TCF4: variants seen among roughly 807,000 people sequenced by gnomAD.
TCF4 encodes transcription factor 4.
TCF4 carries 3 observed loss-of-function variants against 82.1 expected under a neutral mutation model. The observed-to-expected ratio is 0.04, with a 90% CI of 0.02 to 0.09. The LOEUF is 0.09. Ranked by LOEUF, TCF4 falls within the 10% of genes least tolerant of loss-of-function variation. The pLI is 1.00. For missense variants in TCF4, 518 were observed against 852.7 expected (o/e 0.61, Z 4.89); for synonymous variants, 276 against 309.6 (o/e 0.89, Z 1.14).
At chr18:55,435,668 C>T (rs868864536) in intron 5 of TCF4, among the ~76,000 whole-genome samples, 3 of 152,206 alleles carry the variant, frequency 2.0e-5, no homozygotes, top group Non-Finnish European at 4.4e-5. Context: ...AATGCACAGT[C>T]CTCTCTCTAC....
At chr18:55,286,290 A>T (rs2063665508) in intron 8 of TCF4, among the ~76,000 whole-genome samples, 1 of 149,832 alleles carries the variant, frequency 6.7e-6, no homozygotes, top group Admixed American at 6.6e-5. Context: ...ACTATTTGTC[A>T]AAATCTTTTT....
intron 6 of TCF4, among the ~76,000 whole-genome samples, chr18:55,364,905 A>G (rs2086441634): frequency 6.6e-6 from 1 of 151,898 alleles, no homozygotes; most frequent in Non-Finnish European, 1.5e-5. Flanking sequence ...TCATGCCTCT[A>G]ATCCCAGCAC....
In TCF4 at chr18:55,464,250, C is replaced by G. The variant is rs541123969; in HGVS notation, c.146-113G>C. On this transcript the variant is annotated intron_variant, in intron 3 of 19. Transcript: ENST00000354452. ...TCTCCTGTTGCCTTTAATTAAGAACCAGGCACCGGGCTACCATGATGATAG... is the reference window on the plus strand; with the variant it reads ...TCTCCTGTTGCCTTTAATTAAGAACGAGGCACCGGGCTACCATGATGATAG... The G allele has an allele frequency of 6.5e-6, 6 of 922,738 alleles. No homozygotes were observed. In the East Asian group the frequency reaches 1.2e-4, roughly 19 times the overall value. The allele number at this position is 922,738 out of a possible 1,614,324, so 57.2% of individuals were successfully genotyped here. A position where few individuals can be genotyped will look rare whatever the true frequency, so the allele number is the denominator to read the frequency against.
intron 6 of TCF4, among the ~76,000 whole-genome samples, chr18:55,358,273 G>GT (rs2084104984): frequency 6.6e-6 from 1 of 152,218 alleles, no homozygotes; most frequent in African/African-American, 2.4e-5. Context: ...CTGTGCTTCT[G>GT]TTTTTTAGCA....
chr18:55,317,535 G>A (rs1380582983), intron 8 of TCF4, among the ~76,000 whole-genome samples: 2 of 151,780 alleles, frequency 1.3e-5, no homozygotes, highest in East Asian at 3.8e-4. Context: ...GAGGTTTGGG[G>A]GGAAAAAAAA....
chr18:55,470,717 T>C (rs2096157339), intron 3 of TCF4, among the ~76,000 whole-genome samples: 1 of 152,208 alleles, frequency 6.6e-6, no homozygotes, highest in African/African-American at 2.4e-5. Flanking sequence ...CCCTAGAGTT[T>C]TATGAAATTA....
intron 5 of TCF4, among the ~76,000 whole-genome samples, chr18:55,457,892 T>G: frequency 6.6e-6 from 1 of 152,302 alleles, no homozygotes; most frequent in South Asian, 2.1e-4. Flanking sequence ...CCATAGAGGT[T>G]ATAAACAAAT....
chr18:55,497,539 T>C (rs1373706305), intron 3 of TCF4, among the ~76,000 whole-genome samples: 2 of 152,224 alleles, frequency 1.3e-5, no homozygotes, highest in Admixed American at 6.5e-5. Flanking sequence ...AAATTACAAA[T>C]GATTAGTTCA....
At chr18:55,524,523 G>C (rs1343505214) in intron 3 of TCF4, among the ~76,000 whole-genome samples, 1 of 152,116 alleles carries the variant, frequency 6.6e-6, no homozygotes, top group East Asian at 1.9e-4. Flanking sequence ...TCATGGTCAA[G>C]AAGACCATGA....
rs981434496 is a variant in TCF4, at chr18:55,222,735, T to G, written c.*5300A>C. 6.6e-6 allele frequency: 1 copy of G among 152,664 alleles called. No individual in the cohort carries two copies. Among genetic ancestry groups the G allele is most frequent in the African/African-American group, 2.4e-5 (1 of 41,454 alleles). 9.5% of individuals were successfully genotyped at this position (152,664 alleles called of 1,614,324 possible). On this transcript the variant is annotated 3_prime_UTR_variant, in exon 20 of 20. Transcript: ENST00000354452. ...GTGCAATGTTGAAATAGCCTCCAAA[T>G]TTTGCAAAGTAGATTGATGTCCATT... is the stretch of plus-strand genomic sequence containing the variant.
intron 8 of TCF4, among the ~76,000 whole-genome samples, chr18:55,310,089 G>A (rs972381012): frequency 6.6e-6 from 1 of 152,314 alleles, no homozygotes; most frequent in Admixed American, 6.5e-5. Context: ...CAAAATAAAT[G>A]CCAGTTTAGG....
intron 2 of TCF4, among the ~76,000 whole-genome samples, chr18:55,630,245 G>A (rs555915353): frequency 2.0e-5 from 3 of 152,242 alleles, no homozygotes; most frequent in Non-Finnish European, 2.9e-5. Flanking sequence ...TGAGAAGAGC[G>A]TGCTTTCAAA....
rs946649367 is a variant in TCF4, at chr18:55,585,715, A to G, written c.73-363T>C. On this transcript the variant is annotated intron_variant, in intron 2 of 19. Transcript: ENST00000354452. The stretch of plus-strand genomic sequence containing the variant: ...GAAGAAAAAAGTTGTTTTGTTTTAT[A>G]TTGAAAACCTTGGCCATAAACGTGG... The G allele has an allele frequency of 4.6e-6, 5 of 1,090,260 alleles. No individual in the cohort carries two copies. In the African/African-American group the frequency reaches 8.1e-5, roughly 18 times the overall value. 67.5% of individuals were successfully genotyped at this position (1,090,260 alleles called of 1,614,324 possible).
chr18:55,445,237 C>T (rs1449954346), intron 5 of TCF4, among the ~76,000 whole-genome samples: 29 of 152,152 alleles, frequency 1.9e-4, no homozygotes, highest in Non-Finnish European at 2.9e-5. Context: ...CTTCATTTCT[C>T]TGGGGCCAGG....
At chr18:55,318,263 T>A (rs1018501201) in intron 8 of TCF4, among the ~76,000 whole-genome samples, 2 of 152,058 alleles carry the variant, frequency 1.3e-5, no homozygotes, top group African/African-American at 2.4e-5. Context: ...GCCATAAAGA[T>A]CAAAATTTAG....
At chr18:55,268,724 CA>C (rs1437861813) in intron 11 of TCF4, 1 of 152,044 alleles carries the variant, frequency 6.6e-6, no homozygotes, top group Non-Finnish European at 1.5e-5. Context: ...TGATTCACGC[CA>C]CTTCCCCAAA....
intron 15 of TCF4, among the ~76,000 whole-genome samples, chr18:55,240,410 C>A (rs1414063122): frequency 6.6e-6 from 1 of 152,220 alleles, no homozygotes; most frequent in Non-Finnish European, 1.5e-5. Flanking sequence ...ATCAATTATA[C>A]ATGACAGTTG....
intron 11 of TCF4, chr18:55,266,020 G>T (rs974474537): frequency 6.6e-6 from 1 of 152,104 alleles, no homozygotes; most frequent in African/African-American, 2.4e-5. Context: ...GCAAGGGAGT[G>T]TGTGTAGCCT....
chr18:55,308,316 A>T (rs1202443561), intron 8 of TCF4, among the ~76,000 whole-genome samples: 2 of 152,200 alleles, frequency 1.3e-5, no homozygotes, highest in Non-Finnish European at 2.9e-5. Flanking sequence ...TGTTACATGG[A>T]ATATTGCATG....
Sources: allele counts gnomAD v4.1 joint callset (sites outside exome capture counted in the v4.1 genomes callset), GRCh38; gene constraint gnomAD v4.1.1; transcripts MANE v1.5; gene names NCBI Gene and HGNC (gene_info 2026-07-23, HGNC 2026-07-21).